KMT2C: variants seen among roughly 807,000 people sequenced by gnomAD.
The protein encoded by KMT2C is lysine methyltransferase 2C.
In KMT2C, 88 loss-of-function variants were observed where a neutral mutation model predicts 507.9. The observed-to-expected ratio is 0.17, with a 90% CI of 0.15 to 0.21. The LOEUF (loss-of-function observed/expected upper bound fraction) is 0.21, where lower values mean the gene tolerates loss of function less well. KMT2C is among the 10% of genes least tolerant of loss of function. The probability of loss-of-function intolerance (pLI) is 1.00; values close to 1 mark genes in which losing one functional copy is unlikely to be tolerated. For missense variants in KMT2C, 4,954 were observed against 5,957.8 expected (o/e 0.83, Z 5.55); for synonymous variants, 2,049 against 2,080.8 (o/e 0.98, Z 0.42).
chr7:152,410,907 G>A (rs2097675559), intron 1 of KMT2C, among the ~76,000 whole-genome samples: 2 of 152,086 alleles, frequency 1.3e-5, no homozygotes, highest in South Asian at 2.1e-4. Flanking sequence ...GGGAGGCTGA[G>A]GTGGAAGGAT....
At chr7:152,364,668 A>G (rs1398062168) in intron 1 of KMT2C, among the ~76,000 whole-genome samples, 1 of 152,020 alleles carries the variant, frequency 6.6e-6, no homozygotes, top group Non-Finnish European at 1.5e-5. Context: ...AAAAGTTAAC[A>G]TGTGATTAGA....
intron 34 of KMT2C, among the ~76,000 whole-genome samples, chr7:152,183,514 C>T (rs1337505598): frequency 6.6e-6 from 1 of 152,134 alleles, no homozygotes; most frequent in Non-Finnish European, 1.5e-5. Flanking sequence ...GTAATCCCAG[C>T]ACTTCGGGAG....
At chr7:152,381,227 A>G (rs1329279784) in intron 1 of KMT2C, among the ~76,000 whole-genome samples, 1 of 152,162 alleles carries the variant, frequency 6.6e-6, no homozygotes, top group Non-Finnish European at 1.5e-5. Flanking sequence ...ACACGCCAAT[A>G]ACATTTATTT....
rs1177916023 is a variant in KMT2C, at chr7:152,251,941, G to T, written c.1619C>A (p.Thr540Lys). 1 of 1,593,104 alleles carries T rather than the reference G, an allele frequency of 6.3e-7. No homozygotes were observed. Among genetic ancestry groups the T allele is most frequent in the Non-Finnish European group, 8.5e-7 (1 of 1,171,194 alleles). The change falls in exon 11 of 59, where the codon ACA (threonine) becomes AAA (lysine). Residue 540 changes from threonine (T) to lysine (K), a missense_variant and splice_region_variant. Transcript: ENST00000262189. Reference sequence around the variant, plus strand: ...AAAAAAATCATTCTCAAATTTACCTGTAGTGAGCTCAGCTATCTCCACTTC... The same window carrying T: ...AAAAAAATCATTCTCAAATTTACCTTTAGTGAGCTCAGCTATCTCCACTTC... ...GEEVEIAELT[T>K]DYNNEMEVEG... is the part of the protein sequence containing the mutation.
chr7:152,398,485 T>C (rs1414876346), intron 1 of KMT2C, among the ~76,000 whole-genome samples: 1 of 152,086 alleles, frequency 6.6e-6, no homozygotes, highest in Non-Finnish European at 1.5e-5. Context: ...ATAACAAAAG[T>C]CAAGGATACA....
intron 1 of KMT2C, among the ~76,000 whole-genome samples, chr7:152,379,850 C>T (rs1404572166): frequency 1.3e-5 from 2 of 152,328 alleles, no homozygotes; most frequent in Non-Finnish European, 1.5e-5. Flanking sequence ...AATCCCAGCA[C>T]TTTAGGAGGC....
intron 9 of KMT2C, among the ~76,000 whole-genome samples, chr7:152,262,095 TGGCGA>T (rs948813336): frequency 1.3e-5 from 2 of 152,114 alleles, no homozygotes; most frequent in African/African-American, 4.8e-5. Flanking sequence ...CAAACCTCAC[TGGCGA>T]GGACAGGGTG....
chr7:152,282,450 GGTAAAATAAATAA>G (rs1276658015), intron 6 of KMT2C, among the ~76,000 whole-genome samples: 2 of 150,682 alleles, frequency 1.3e-5, no homozygotes, highest in Admixed American at 6.6e-5. Flanking sequence ...AATGCCCAAC[GGTAAAATAAATAA>G]ATTATAGTAC....
intron 44 of KMT2C, among the ~76,000 whole-genome samples, chr7:152,157,265 T>C (rs1478818777): frequency 2.0e-5 from 3 of 149,876 alleles, no homozygotes; most frequent in Non-Finnish European, 4.4e-5. Flanking sequence ...GAGGCAGAGA[T>C]TGCAGGGAGC....
rs1338940308 is a variant in KMT2C at position 152,158,857 on chromosome 7, CCT to C, written c.11670+4_11670+5del. On this transcript the variant is annotated splice_donor_5th_base_variant and intron_variant, in intron 44 of 58. Coordinates refer to ENST00000262189, the MANE Select transcript of KMT2C (RefSeq NM_170606.3). ...AAAGAGGCTGCTCTAAATGACTCAC[CCT>C]CACCTGTTTCAAGTGGGTAAACGTG... 1 of 1,613,502 alleles carries C rather than the reference CCT, an allele frequency of 6.2e-7. No individual in the cohort carries two copies. The highest frequency in any genetic ancestry group is 1.3e-5 in the African/African-American group (1 of 74,934).
chr7:152,150,187 T>C (rs1262009733), intron 51 of KMT2C, among the ~76,000 whole-genome samples: 4 of 152,202 alleles, frequency 2.6e-5, no homozygotes, highest in African/African-American at 7.2e-5. Context: ...TCAAATTACA[T>C]AAAATCAAGT....
intron 6 of KMT2C, among the ~76,000 whole-genome samples, chr7:152,274,886 C>T (rs1335177704): frequency 4.6e-5 from 7 of 152,166 alleles, no homozygotes; most frequent in Non-Finnish European, 1.0e-4. Context: ...CTGCTTGAAA[C>T]AGGCCCTAAT....
intron 43 of KMT2C, among the ~76,000 whole-genome samples, chr7:152,159,277 AGCTGC>A (rs1257650011): frequency 1.3e-5 from 2 of 152,234 alleles, no homozygotes. Flanking sequence ...GAAATCAGTA[AGCTGC>A]GAAGCTTGAG....
At chr7:152,321,555 TAAAC>T (rs2096773429) in intron 3 of KMT2C, among the ~76,000 whole-genome samples, 2 of 151,710 alleles carry the variant, frequency 1.3e-5, no homozygotes, top group South Asian at 2.1e-4. Flanking sequence ...TTAGAACTAA[TAAAC>T]AAATTTGATA....
chr7:152,150,133 T>C (rs965899942), intron 51 of KMT2C, among the ~76,000 whole-genome samples: 1 of 152,214 alleles, frequency 6.6e-6, no homozygotes, highest in Non-Finnish European at 1.5e-5. Flanking sequence ...CTTCAAAACA[T>C]GATTATAAAC....
intron 2 of KMT2C, among the ~76,000 whole-genome samples, chr7:152,336,846 C>A (rs2096939989): frequency 6.6e-6 from 1 of 152,176 alleles, no homozygotes; most frequent in South Asian, 2.1e-4. Context: ...CAGGCAATGA[C>A]ACTTGGTCAC....
rs1189839620 is a variant in KMT2C, at chr7:152,343,474, A to G, written c.251-12735T>C. Among the ~76,000 whole-genome samples, 3 of 151,418 alleles carry G rather than the reference A, an allele frequency of 2.0e-5. No individual in the cohort carries two copies. The East Asian group carries it at 5.8e-4, about 29-fold the overall frequency. ...GGAAAAAAAAAAAAAAAAAGAACAG[A>G]ATGTTTAATACAGAAAACTACAAAA... is the stretch of plus-strand genomic sequence containing the variant. On this transcript the variant is annotated intron_variant, in intron 2 of 58. Coordinates refer to ENST00000262189, the MANE Select transcript of KMT2C (RefSeq NM_170606.3).
At chr7:152,241,665 G>A (rs933543414) in intron 14 of KMT2C, among the ~76,000 whole-genome samples, 10 of 152,140 alleles carry the variant, frequency 6.6e-5, no homozygotes, top group Non-Finnish European at 2.9e-5. Flanking sequence ...TAGGCAGTGG[G>A]GGCAAAAGAT....
At position 152,182,444 on chromosome 7, in the gene KMT2C, T is replaced by C. The variant is rs1256350350; in HGVS notation, c.5416A>G (p.Ile1806Val). The change falls in exon 36 of 59, where the codon ATA (isoleucine) becomes GTA (valine). Residue 1806 changes from isoleucine (I) to valine (V), a missense_variant. Around this residue, in one of 29 missense-constraint regions of KMT2C, gnomAD observed 1,689 missense variants for 1,654.3 expected, o/e 1.02. Coordinates refer to ENST00000262189, the MANE Select transcript of KMT2C (RefSeq NM_170606.3). ...QSGSDTPSSG[I>V]QSPLTPQPGN... is the part of the protein sequence containing the mutation. ...GGCTGAGGTGTCAAGGGACTCTGTA[T>C]CCCACTACTTGGTGTATCTGAACCA... 1 of 1,614,096 alleles carries C rather than the reference T, an allele frequency of 6.2e-7. No individual in the cohort carries two copies. The highest frequency in any genetic ancestry group is 8.5e-7 in the Non-Finnish European group (1 of 1,179,986).
Sources: allele counts gnomAD v4.1 joint callset (sites outside exome capture counted in the v4.1 genomes callset), GRCh38; gene constraint gnomAD v4.1.1; regional missense constraint gnomAD v4.1.1; transcripts MANE v1.5; gene names NCBI Gene and HGNC (gene_info 2026-07-23, HGNC 2026-07-21).